ATP1B1: variants seen among roughly 807,000 people sequenced by gnomAD.
ATP1B1 encodes the protein sodium/potassium-transporting ATPase subunit beta-1.
Under a neutral mutation model 39.6 loss-of-function variants are expected in ATP1B1, and 3 were observed. The observed-to-expected ratio is 0.08, with a 90% CI of 0.03 to 0.20. The LOEUF (loss-of-function observed/expected upper bound fraction) is 0.20, where lower values mean the gene tolerates loss of function less well. Among genes scored for constraint, ATP1B1 ranks in the 10% least tolerant of loss-of-function variants. The pLI is 1.00. For missense variants in ATP1B1, 216 were observed against 371.1 expected (o/e 0.58, Z 3.43); for synonymous variants, 139 against 135.0 (o/e 1.03, Z -0.20).
intron 2 of ATP1B1, among the ~76,000 whole-genome samples, chr1:169,113,280 G>C (rs1468908407): frequency 6.6e-6 from 1 of 152,002 alleles, no homozygotes; most frequent in Non-Finnish European, 1.5e-5. Context: ...TGGCCAGGCT[G>C]GTCTCGAACT....
At chr1:169,120,927 T>C (rs929978594) in intron 2 of ATP1B1, among the ~76,000 whole-genome samples, 1 of 151,478 alleles carries the variant, frequency 6.6e-6, no homozygotes, top group African/African-American at 2.4e-5. Context: ...ATATTTTTTT[T>C]CTTTCTCTTT....
At position 169,131,622 on chromosome 1, in the gene ATP1B1, A is replaced by G; in HGVS notation, c.*67A>G. 6.5e-7 allele frequency: 1 copy of G among 1,530,896 alleles called. No individual in the cohort carries two copies. The highest frequency in any genetic ancestry group is 8.8e-7 in the Non-Finnish European group (1 of 1,138,854). The allele number at this position is 1,530,896 out of a possible 1,614,324, so 94.8% of individuals were successfully genotyped here. ...AAAAAAGATACAAAAACAAAAACCT[A>G]CTAGTCTTGAACAAACTGTCATACG... On this transcript the variant is annotated 3_prime_UTR_variant, in exon 6 of 6. Transcript: ENST00000367815. This position sits in a 1 kb window ranked among gnomAD's most constrained non-coding sequence, Gnocchi z 4.4.
intron 3 of ATP1B1, among the ~76,000 whole-genome samples, chr1:169,125,891 C>G (rs1658074982): frequency 6.6e-6 from 1 of 152,142 alleles, no homozygotes; most frequent in Non-Finnish European, 1.5e-5. Context: ...GGGAGGATCA[C>G]TTGAGCCTGG....
At chr1:169,114,254 A>G (rs1657793198) in intron 2 of ATP1B1, among the ~76,000 whole-genome samples, 1 of 150,632 alleles carries the variant, frequency 6.6e-6, no homozygotes, top group African/African-American at 2.5e-5. Context: ...CAGTGTGTTT[A>G]AGAATACCCT....
chr1:169,131,557 C>G lies in ATP1B1; in HGVS notation c.*2C>G. ...GTAAAAATTGAAGTTAAGAGCTGAT[C>G]ACAAGCACAAATCTTTCCCACTAGC... On this transcript the variant is annotated 3_prime_UTR_variant, in exon 6 of 6. Coordinates refer to ENST00000367815, the MANE Select transcript of ATP1B1 (RefSeq NM_001677.4). The surrounding 1 kb of genome is among the most constrained non-coding windows in gnomAD (Gnocchi z 4.4). 6.2e-7 allele frequency: 1 copy of G among 1,607,036 alleles called. No homozygotes were observed. The highest frequency in any genetic ancestry group is 8.5e-7 in the Non-Finnish European group (1 of 1,176,386).
At chr1:169,130,155 G>A (rs1213723679) in intron 5 of ATP1B1, 65 bp downstream of exon 5, 1 of 1,391,472 alleles carries the variant, frequency 7.2e-7, no homozygotes, top group Non-Finnish European at 1.0e-6. Context: ...GGAGAATGAA[G>A]AAGACTGTTT....
Position 169,123,496 on chromosome 1 carries a change from G to A in ATP1B1, c.227-1388G>A, listed in dbSNP as rs376773238. Among the ~76,000 whole-genome samples, 88 of 152,106 alleles carry A rather than the reference G, an allele frequency of 5.8e-4. 2 individuals carry two copies. In the South Asian group the frequency reaches 0.017, roughly 30 times the overall value. The stretch of plus-strand genomic sequence containing the variant: ...ACACAGAGAGGGGAGATCTGGGAGT[G>A]AGGAGTAGAATCAAGTTGCCAGATT... On this transcript the variant is annotated intron_variant, in intron 2 of 5. Transcript: ENST00000367815.
At position 169,120,473 on chromosome 1, in the gene ATP1B1, C is replaced by T. The variant is rs141069821; in HGVS notation, c.227-4411C>T. On this transcript the variant is annotated intron_variant, in intron 2 of 5. Transcript: ENST00000367815. ...TTTCTGGGGTTTATCTGTCATTCCT[C>T]GGCTCCTTCTACCAAGGTTCTCTGT... Among the ~76,000 whole-genome samples the T allele has an allele frequency of 6.7e-3, 1,014 of 152,268 alleles. 6 individuals are homozygous for T. Among genetic ancestry groups the T allele is most frequent in the South Asian group, 8.5e-3 (41 of 4,822 alleles).
At chr1:169,127,553 T>C in intron 4 of ATP1B1, 145 bp downstream of exon 4, 1 of 786,598 alleles carries the variant, frequency 1.3e-6, no homozygotes, top group Non-Finnish European at 1.9e-6. Flanking sequence ...CAAAAACTTC[T>C]GTATCCACCC....
At chr1:169,114,211 C>T (rs1378357283) in intron 2 of ATP1B1, among the ~76,000 whole-genome samples, 3 of 152,124 alleles carry the variant, frequency 2.0e-5, no homozygotes, top group Non-Finnish European at 2.9e-5. Context: ...TTGTATTTTG[C>T]ATAGGAAATA....
chr1:169,131,495 G>A lies in ATP1B1; in HGVS notation c.852G>A (p.Gly284=). The A allele has an allele frequency of 6.2e-7, 1 of 1,614,076 alleles. No homozygotes were observed. The highest frequency in any genetic ancestry group is 8.5e-7 in the Non-Finnish European group (1 of 1,180,032). ...IECKAYGENI[G]YSEKDRFQGR... is the part of the protein sequence containing the mutation. ...GTAAGGCGTACGGTGAGAACATTGGGTACAGTGAGAAAGACCGTTTTCAGG... is the reference window on the plus strand; with the variant it reads ...GTAAGGCGTACGGTGAGAACATTGGATACAGTGAGAAAGACCGTTTTCAGG... Residue 284 remains glycine (G), a synonymous_variant, in exon 6 of 6, where the codon GGG becomes GGA. Coordinates refer to ENST00000367815, the MANE Select transcript of ATP1B1 (RefSeq NM_001677.4). This position sits in a 1 kb window ranked among gnomAD's most constrained non-coding sequence, Gnocchi z 4.4.
chr1:169,129,930 T>C, intron 4 of ATP1B1, 80 bp from the exon 5 acceptor site: 2 of 1,380,612 alleles, frequency 1.4e-6, no homozygotes, highest in Non-Finnish European at 2.0e-6. Flanking sequence ...TGTACTTGTT[T>C]GGACTACGGA....
At position 169,132,622 on chromosome 1, in the gene ATP1B1, C is replaced by G. The variant is rs1658263216; in HGVS notation, c.*1067C>G. The G allele has an allele frequency of 2.7e-5, 16 of 598,382 alleles. No homozygotes were observed. The South Asian group carries it at 4.0e-4, about 15-fold the overall frequency. The allele number at this position is 598,382 out of a possible 1,614,324, so 37.1% of individuals were successfully genotyped here. ...TAAATGTTGTCTACAGTGCAAAATC[C>G]ATGTTCTAACATATGTAATAATTGC... is the stretch of plus-strand genomic sequence containing the variant. On this transcript the variant is annotated 3_prime_UTR_variant, in exon 6 of 6. Transcript: ENST00000367815.
rs116237578 is a variant in ATP1B1 at position 169,114,417 on chromosome 1, A to C, written c.226+2919A>C. Among the ~76,000 whole-genome samples, 389 of 152,320 alleles carry C rather than the reference A, an allele frequency of 2.6e-3. 2 individuals are homozygous for C. The highest frequency in any genetic ancestry group is 8.6e-3 in the African/African-American group (358 of 41,570). ...ATAAAGACTTACTAATAATATTATC[A>C]GCTGAATTTGAGGCATGAATGCAAA... is the stretch of plus-strand genomic sequence containing the variant. On this transcript the variant is annotated intron_variant, in intron 2 of 5. Transcript: ENST00000367815.
intron 1 of ATP1B1, chr1:169,108,012 C>A (rs1014798435): frequency 6.6e-6 from 1 of 151,778 alleles, no homozygotes; most frequent in Non-Finnish European, 1.5e-5. Flanking sequence ...CTGTGGGAAT[C>A]GGCAGGAGAA....
chr1:169,107,167 C>T (rs1657614056), intron 1 of ATP1B1, among the ~76,000 whole-genome samples: 3 of 152,164 alleles, frequency 2.0e-5, no homozygotes. Context: ...TTATGCATAT[C>T]GTAGCGATCT....
chr1:169,128,177 A>G (rs542144998), intron 4 of ATP1B1, among the ~76,000 whole-genome samples: 301 of 152,250 alleles, frequency 2.0e-3, no homozygotes, highest in Middle Eastern at 6.8e-3. Flanking sequence ...TTTCCCCTTA[A>G]GCCTGGCTTC....
intron 1 of ATP1B1, among the ~76,000 whole-genome samples, 197 bp from the exon 2 acceptor site, chr1:169,111,173 A>T (rs1357508649): frequency 6.6e-6 from 1 of 152,048 alleles, no homozygotes; most frequent in East Asian, 1.9e-4. Flanking sequence ...TCCCATACAC[A>T]CTGCAAGTGG....
intron 1 of ATP1B1, among the ~76,000 whole-genome samples, chr1:169,109,431 C>A (rs1657681046): frequency 6.6e-6 from 1 of 151,584 alleles, no homozygotes; most frequent in South Asian, 2.1e-4. Flanking sequence ...ACTGCATAGG[C>A]CCCTCTAGTC....
Sources: allele counts gnomAD v4.1 joint callset (sites outside exome capture counted in the v4.1 genomes callset), GRCh38; gene constraint gnomAD v4.1.1; non-coding constraint Gnocchi (gnomAD v3.1); transcripts MANE v1.5; gene names NCBI Gene and HGNC (gene_info 2026-07-23, HGNC 2026-07-21).